CCNY: variants seen among roughly 807,000 people sequenced by gnomAD.
CCNY encodes cyclin Y.
In CCNY, 19 loss-of-function variants were observed where a neutral mutation model predicts 42.8. That is an observed-to-expected ratio of 0.44 (90% confidence interval 0.31 to 0.65). The LOEUF (loss-of-function observed/expected upper bound fraction) is 0.65, where lower values mean the gene tolerates loss of function less well. CCNY is among the 30% of genes least tolerant of loss of function. The pLI, the probability that CCNY is intolerant of heterozygous loss-of-function variation, is 0.07. For missense variants in CCNY, 370 were observed against 437.3 expected, an observed-to-expected ratio of 0.85 and a Z score of 1.37; for synonymous variants, 165 against 162.7, an observed-to-expected ratio of 1.01 and a Z score of -0.11.
At chr10:35,278,842 G>A (rs1197989293) in intron 3 of CCNY, among the ~76,000 whole-genome samples, 3 of 152,194 alleles carry the variant, frequency 2.0e-5, no homozygotes, top group Non-Finnish European at 2.9e-5. Flanking sequence ...CACTGGCCCC[G>A]AGAGGGGATC....
chr10:35,349,567 T>C (rs1401825214), intron 1 of CCNY, among the ~76,000 whole-genome samples: 1 of 152,240 alleles, frequency 6.6e-6, no homozygotes, highest in Non-Finnish European at 1.5e-5. Context: ...TCTTGATTAG[T>C]CATATTCACA....
intron 1 of CCNY, among the ~76,000 whole-genome samples, chr10:35,456,131 G>A (rs1323161432): frequency 1.8e-4 from 27 of 152,044 alleles, no homozygotes; most frequent in Non-Finnish European, 2.9e-5. Context: ...GTATGTACTG[G>A]TGTGTGTGTA....
intron 1 of CCNY, among the ~76,000 whole-genome samples, chr10:35,430,836 C>T (rs978631302): frequency 7.9e-5 from 12 of 152,024 alleles, no homozygotes; most frequent in African/African-American, 2.2e-4. Flanking sequence ...TACGGCTTGG[C>T]GTGGTGGCTC....
intron 1 of CCNY, among the ~76,000 whole-genome samples, chr10:35,464,834 G>A (rs889184026): frequency 5.3e-5 from 8 of 152,332 alleles, no homozygotes; most frequent in Middle Eastern, 3.4e-3. Flanking sequence ...AGTAATGATA[G>A]TGGACTCAAA....
chr10:35,500,857 T>TTGTTAGAGCAGTATCAATTATGGTGAC (rs531600267), intron 2 of CCNY, among the ~76,000 whole-genome samples: 2 of 152,188 alleles, frequency 1.3e-5, no homozygotes, highest in Non-Finnish European at 1.5e-5. Context: ...AGAAGCCACC[T>TTGTTAGAGCAGTATCAATTATGGTGAC]TGTTAGAGCA....
intron 1 of CCNY, among the ~76,000 whole-genome samples, chr10:35,468,274 C>T (rs1839311702): frequency 6.6e-6 from 1 of 152,214 alleles, no homozygotes; most frequent in Non-Finnish European, 1.5e-5. Context: ...GCTCTGCCCT[C>T]ATGACCCAAT....
chr10:35,417,433 G>A (rs1476992013), intron 1 of CCNY, among the ~76,000 whole-genome samples: 2 of 152,214 alleles, frequency 1.3e-5, no homozygotes, highest in Non-Finnish European at 2.9e-5. Context: ...GTCACCATCT[G>A]TATAATGGGG....
At chr10:35,550,584 T>C (rs1232628373) in intron 7 of CCNY, among the ~76,000 whole-genome samples, 1 of 152,102 alleles carries the variant, frequency 6.6e-6, no homozygotes, top group African/African-American at 2.4e-5. Flanking sequence ...ACCTGCACAG[T>C]CACTGCCTCT....
chr10:35,346,824 G>A (rs1292527974), intron 1 of CCNY, among the ~76,000 whole-genome samples: 19 of 152,126 alleles, frequency 1.2e-4, no homozygotes, highest in Admixed American at 1.2e-3. Flanking sequence ...ACAGGGTTAC[G>A]CCTTGTTGCC....
chr10:35,438,889 T>C (rs909049244), intron 1 of CCNY, among the ~76,000 whole-genome samples: 23 of 152,216 alleles, frequency 1.5e-4, no homozygotes, highest in African/African-American at 5.3e-4. Flanking sequence ...TGAAAATATC[T>C]TGATTTCCTC....
rs1277003107 is a variant in CCNY, at chr10:35,529,826, C to T, written c.402-147C>T. Reference sequence around the variant, plus strand: ...TGGAGGTTGCAGTGAGCTGAGATGGCGCCACTGCACTCCAGCCTGGGCAAC... The same window carrying T: ...TGGAGGTTGCAGTGAGCTGAGATGGTGCCACTGCACTCCAGCCTGGGCAAC... On this transcript the variant is annotated intron_variant, in intron 5 of 9. Transcript: ENST00000374704. 30 of 663,334 alleles carry T rather than the reference C, an allele frequency of 4.5e-5. 1 individual carries two copies. Among genetic ancestry groups the T allele is most frequent in the South Asian group, 2.1e-4 (11 of 52,812 alleles). 41.1% of individuals were successfully genotyped at this position (663,334 alleles called of 1,614,324 possible). A position where few individuals can be genotyped will look rare whatever the true frequency, so the allele number is the denominator to read the frequency against.
At chr10:35,473,938 C>T (rs1219178200) in intron 1 of CCNY, among the ~76,000 whole-genome samples, 4 of 152,130 alleles carry the variant, frequency 2.6e-5, no homozygotes, top group African/African-American at 4.8e-5. Context: ...AGTGGGTGCG[C>T]GCACCATGCG....
At chr10:35,525,208 A>C (rs1406882453) in intron 4 of CCNY, among the ~76,000 whole-genome samples, 1 of 152,212 alleles carries the variant, frequency 6.6e-6, no homozygotes, top group Non-Finnish European at 1.5e-5. Context: ...AGTAGGATGG[A>C]AACCTGACTC....
chr10:35,339,154 C>T (rs1321954786), intron 1 of CCNY, among the ~76,000 whole-genome samples: 1 of 152,200 alleles, frequency 6.6e-6, no homozygotes, highest in African/African-American at 2.4e-5. Context: ...TATTAATTCA[C>T]CTTCTGTCTC....
chr10:35,448,422 A>T (rs143535373), intron 1 of CCNY, among the ~76,000 whole-genome samples: 2 of 152,156 alleles, frequency 1.3e-5, no homozygotes, highest in Non-Finnish European at 2.9e-5. Flanking sequence ...TAATTTCTCT[A>T]TGTCTCTTTC....
At chr10:35,475,972 A>AG (rs1437543523) in intron 1 of CCNY, among the ~76,000 whole-genome samples, 1 of 152,206 alleles carries the variant, frequency 6.6e-6, no homozygotes, top group Non-Finnish European at 1.5e-5. Context: ...AAACAAAAAA[A>AG]GGCAGGGGTT....
intron 7 of CCNY, among the ~76,000 whole-genome samples, chr10:35,546,088 TCA>T (rs1841109553): frequency 6.6e-6 from 1 of 152,198 alleles, no homozygotes; most frequent in Non-Finnish European, 1.5e-5. Flanking sequence ...CCAACTCACT[TCA>T]CAGTCTTCAC....
chr10:35,559,879 C>T (rs1841431446), intron 8 of CCNY, among the ~76,000 whole-genome samples: 1 of 152,208 alleles, frequency 6.6e-6, no homozygotes, highest in Non-Finnish European at 1.5e-5. Context: ...GGCTGCCTAC[C>T]TGGGGGTGGG....
intron 1 of CCNY, among the ~76,000 whole-genome samples, chr10:35,359,744 C>G (rs1213392893): frequency 1.3e-5 from 2 of 152,188 alleles, no homozygotes; most frequent in Admixed American, 6.5e-5. Flanking sequence ...CAAACTGAGA[C>G]TCCGTGCTAA....
Sources: gnomAD v4.1 joint callset for allele counts (sites outside exome capture counted in the v4.1 genomes callset) on GRCh38, gnomAD v4.1.1 for gene constraint, MANE v1.5 for transcripts, NCBI Gene and HGNC (gene_info 2026-07-23, HGNC 2026-07-21) for gene names.